The following EDAR variants were observed in gnomAD, a reference collection of about 807,000 sequenced individuals.
EDAR encodes the protein ectodysplasin A receptor, also known as tumor necrosis factor receptor superfamily member EDAR.
EDAR carries 38 observed loss-of-function variants against 51.3 expected under a neutral mutation model. The ratio of observed to expected loss-of-function variants is 0.74; its 90% confidence interval spans 0.57 to 0.97. The LOEUF is 0.97. EDAR is among the 50% of genes least tolerant of loss of function. The pLI, the probability that EDAR is intolerant of heterozygous loss-of-function variation, is 0.00. For missense variants in EDAR, 528 were observed against 595.0 expected, an observed-to-expected ratio of 0.89 and a Z score of 1.17; for synonymous variants, 227 against 242.1, an observed-to-expected ratio of 0.94 and a Z score of 0.58.
At chr2:108,937,199 CTTCTT>C (rs1697489834) in intron 1 of EDAR, among the ~76,000 whole-genome samples, 1 of 152,226 alleles carries the variant, frequency 6.6e-6, no homozygotes, top group African/African-American at 2.4e-5. Context: ...AGCAGCCACT[CTTCTT>C]TATCACTGCA....
chr2:108,978,645 A>C (rs260605), intron 1 of EDAR, among the ~76,000 whole-genome samples: 117,798 of 152,092 alleles, frequency 0.77, 47,163 homozygotes, highest in South Asian at 0.87. Flanking sequence ...AATATTAGAG[A>C]GACCTAGTTA....
chr2:108,901,486 C>A (rs1021372345), intron 11 of EDAR, among the ~76,000 whole-genome samples: 20 of 151,902 alleles, frequency 1.3e-4, no homozygotes, highest in African/African-American at 4.6e-4. Flanking sequence ...GAGCAGTAAT[C>A]AATGAAATTG....
chr2:108,972,776 G>A (rs1462700065), intron 1 of EDAR, among the ~76,000 whole-genome samples: 1 of 152,184 alleles, frequency 6.6e-6, no homozygotes, highest in Non-Finnish European at 1.5e-5. Context: ...GACTCAGAAG[G>A]GGGTGAGGAC....
intron 6 of EDAR, 150 bp downstream of exon 6, chr2:108,912,528 G>A: frequency 1.3e-6 from 1 of 758,870 alleles, no homozygotes; most frequent in South Asian, 1.5e-5. Context: ...CTGCACGGGG[G>A]GCAACATGTC....
intron 1 of EDAR, among the ~76,000 whole-genome samples, chr2:108,939,712 A>G (rs1485064953): frequency 6.6e-6 from 1 of 152,198 alleles, no homozygotes. Flanking sequence ...ATTCTGATAA[A>G]ACCAAGAACT....
intron 5 of EDAR, 22 bp from the exon 6 acceptor site, chr2:108,912,786 T>A: frequency 6.4e-7 from 1 of 1,562,320 alleles, no homozygotes; most frequent in Non-Finnish European, 8.7e-7. Flanking sequence ...ATAGAGTCCC[T>A]CAAATGATCC....
chr2:108,935,038 G>T (rs2105457997), intron 1 of EDAR, among the ~76,000 whole-genome samples: 1 of 152,264 alleles, frequency 6.6e-6, no homozygotes, highest in Non-Finnish European at 1.5e-5. Flanking sequence ...GTCACCTGTT[G>T]GTTACCTAGT....
intron 1 of EDAR, among the ~76,000 whole-genome samples, chr2:108,965,132 G>A: frequency 6.6e-6 from 1 of 151,634 alleles, no homozygotes; most frequent in Admixed American, 6.6e-5. Flanking sequence ...TGTGTGAAGG[G>A]TACTGGTATT....
At chr2:108,962,505 C>G (rs187095892) in intron 1 of EDAR, among the ~76,000 whole-genome samples, 6 of 151,926 alleles carry the variant, frequency 3.9e-5, no homozygotes, top group African/African-American at 1.4e-4. Flanking sequence ...AACCCTGTCT[C>G]TACTAAAAAT....
At chr2:108,978,937 T>C (rs1358799253) in intron 1 of EDAR, among the ~76,000 whole-genome samples, 1 of 152,144 alleles carries the variant, frequency 6.6e-6, no homozygotes, top group East Asian at 1.9e-4. Flanking sequence ...TTGAAAGCTT[T>C]CCAAAAGGAA....
rs571738882 is a variant in EDAR, at chr2:108,944,892, C to T, written c.-18-13860G>A. Among the ~76,000 whole-genome samples, 34 of 152,288 alleles carry T rather than the reference C, an allele frequency of 2.2e-4. 1 individual carries two copies. The South Asian group carries it at 2.5e-3, about 11-fold the overall frequency. On this transcript the variant is annotated intron_variant, in intron 1 of 11. Coordinates refer to ENST00000258443, the MANE Select transcript of EDAR (RefSeq NM_022336.4). ...CACCTGCAGGTCCCAGAGGAACTGA[C>T]GCCGGGGAGGTGCTTTGAGCCCTTT...
intron 1 of EDAR, among the ~76,000 whole-genome samples, chr2:108,985,865 T>C (rs1698489024): frequency 6.6e-6 from 1 of 152,184 alleles, no homozygotes; most frequent in African/African-American, 2.4e-5. Flanking sequence ...AAGGAGCCCA[T>C]TCATTCATTC....
At chr2:108,902,679 A>C (rs1696724523) in intron 11 of EDAR, among the ~76,000 whole-genome samples, 1 of 152,202 alleles carries the variant, frequency 6.6e-6, no homozygotes, top group Admixed American at 6.5e-5. Flanking sequence ...AAAGAATTGT[A>C]CCACATCAGG....
At chr2:108,908,714 C>A (rs968245693) in intron 9 of EDAR, among the ~76,000 whole-genome samples, 7 of 152,210 alleles carry the variant, frequency 4.6e-5, no homozygotes, top group Admixed American at 3.3e-4. Context: ...TAAAACCATT[C>A]CAAGTATATG....
rs370147384 is a variant in EDAR, at chr2:108,896,859, C to T, written c.*48G>A. ...GCACCACTCACAGCTCCAGAGCCCT[C>T]GTTGGCTCCTTGGCTTGTCCTGGGA... On this transcript the variant is annotated 3_prime_UTR_variant, in exon 12 of 12. Transcript: ENST00000258443. 7.9e-5 allele frequency: 124 copies of T among 1,570,440 alleles called. 1 individual carries two copies. The African/African-American group carries it at 1.5e-3, about 20-fold the overall frequency.
At chr2:108,917,665 C>T (rs937591821) in intron 5 of EDAR, among the ~76,000 whole-genome samples, 7 of 151,926 alleles carry the variant, frequency 4.6e-5, no homozygotes, top group East Asian at 3.9e-4. Flanking sequence ...AAACGGGAGG[C>T]GGTGGGCCTT....
At chr2:108,919,469 C>T (rs748160923) in intron 5 of EDAR, among the ~76,000 whole-genome samples, 2 of 152,200 alleles carry the variant, frequency 1.3e-5, no homozygotes, top group Non-Finnish European at 2.9e-5. Context: ...AGTGATTCTC[C>T]TGCCTCAGCC....
chr2:108,900,648 A>G (rs1331993977), intron 11 of EDAR, among the ~76,000 whole-genome samples: 5 of 152,186 alleles, frequency 3.3e-5, no homozygotes, highest in Non-Finnish European at 7.3e-5. Flanking sequence ...AAATTTTCCC[A>G]GTTATATGCT....
chr2:108,934,300 T>C (rs1697426434), intron 1 of EDAR, among the ~76,000 whole-genome samples: 1 of 152,144 alleles, frequency 6.6e-6, no homozygotes, highest in South Asian at 2.1e-4. Flanking sequence ...AGACTGCAGA[T>C]ACAGGCAGGA....
Sources: allele counts gnomAD v4.1 joint callset (sites outside exome capture counted in the v4.1 genomes callset), GRCh38; gene constraint gnomAD v4.1.1; transcripts MANE v1.5; gene names NCBI Gene and HGNC (gene_info 2026-07-23, HGNC 2026-07-21).